Variants in SPON1 observed in about 807,000 individuals in gnomAD.
SPON1 encodes the protein spondin-1.
A neutral mutation model predicts 111.7 loss-of-function variants in SPON1; 52 were observed. The ratio of observed to expected loss-of-function variants is 0.47; its 90% CI spans 0.37 to 0.59. The LOEUF (loss-of-function observed/expected upper bound fraction) is 0.59, where lower values mean the gene tolerates loss of function less well. Among genes scored for constraint, SPON1 ranks in the 20% least tolerant of loss-of-function variants. SPON1 has a pLI of 0.00. For synonymous variants in SPON1, 410 were observed against 395.8 expected, an observed-to-expected ratio of 1.04 and a Z score of -0.43; for missense variants, 957 against 1,068.5, an observed-to-expected ratio of 0.90 and a Z score of 1.46.
At chr11:14,145,358 G>C (rs942075965) in intron 6 of SPON1, among the ~76,000 whole-genome samples, 6 of 152,156 alleles carry the variant, frequency 3.9e-5, no homozygotes, top group South Asian at 2.1e-4. Flanking sequence ...CTCTGTATGA[G>C]AGAAATGTGG....
At chr11:14,169,621 T>C (rs2133880792) in intron 6 of SPON1, among the ~76,000 whole-genome samples, 1 of 151,942 alleles carries the variant, frequency 6.6e-6, no homozygotes, top group East Asian at 1.9e-4. Flanking sequence ...CTAGGGTTTT[T>C]ATGGTTTTAG....
chr11:14,210,265 A>G (rs1554936568), intron 6 of SPON1, among the ~76,000 whole-genome samples: 1 of 150,914 alleles, frequency 6.6e-6, no homozygotes, highest in African/African-American at 2.4e-5. Context: ...CTTTAGTTTA[A>G]TTAGATCTCA....
chr11:13,999,952 T>A (rs1259506973), intron 2 of SPON1, among the ~76,000 whole-genome samples: 1 of 152,176 alleles, frequency 6.6e-6, no homozygotes, highest in Non-Finnish European at 1.5e-5. Flanking sequence ...TTCCCATCCT[T>A]CTACCAGGTG....
At chr11:14,033,371 T>G (rs1554916283) in intron 2 of SPON1, among the ~76,000 whole-genome samples, 1 of 152,220 alleles carries the variant, frequency 6.6e-6, no homozygotes, top group Non-Finnish European at 1.5e-5. Context: ...TTAGAACGCT[T>G]GCAACTTCCT....
At position 14,160,955 on chromosome 11, in the gene SPON1, A is replaced by ATATATATTTATATATATTTT. The variant is rs1564919808; in HGVS notation, c.825+25423_825+25442dup. On this transcript the variant is annotated intron_variant, in intron 6 of 15. Coordinates refer to ENST00000576479, the MANE Select transcript of SPON1 (RefSeq NM_006108.4). ...TATTTATATATATATTTATATATTT[A>ATATATATTTATATATATTTT]TATATATTTATATATATTTTTATAT... Among the ~76,000 whole-genome samples, 152 of 46,798 alleles carry ATATATATTTATATATATTTT rather than the reference A, an allele frequency of 3.2e-3. 9 individuals are homozygous for ATATATATTTATATATATTTT. The highest frequency in any genetic ancestry group is 4.6e-3 in the Non-Finnish European group (127 of 27,756). The allele number at this position is 46,798 out of a possible 152,430, so 30.7% of individuals were successfully genotyped here.
intron 6 of SPON1, among the ~76,000 whole-genome samples, chr11:14,141,486 G>C (rs1448323891): frequency 2.6e-5 from 4 of 152,050 alleles, no homozygotes; most frequent in African/African-American, 9.7e-5. Context: ...TGGATTCAAG[G>C]CTTTCCTGAC....
At chr11:14,058,050 G>T (rs1356768675) in intron 3 of SPON1, among the ~76,000 whole-genome samples, 2 of 151,934 alleles carry the variant, frequency 1.3e-5, no homozygotes, top group South Asian at 4.2e-4. Flanking sequence ...AAATCAGGGG[G>T]TGTTGGGGTG....
In SPON1 at chr11:14,265,777, T is replaced by C; in HGVS notation, c.*90T>C. The C allele has an allele frequency of 4.9e-6, 7 of 1,418,926 alleles. No individual in the cohort carries two copies. The highest frequency in any genetic ancestry group is 1.4e-5 in the South Asian group (1 of 71,992). The allele number at this position is 1,418,926 out of a possible 1,614,324, so 87.9% of individuals were successfully genotyped here. On this transcript the variant is annotated 3_prime_UTR_variant, in exon 16 of 16. Coordinates refer to ENST00000576479, the MANE Select transcript of SPON1 (RefSeq NM_006108.4). ...CTTGTTTAAGACAATTTAAATTGTG[T>C]ACGCTAGTTTTCATTTTTGCAGTGT...
chr11:14,098,290 G>A (rs1182442136), intron 5 of SPON1, among the ~76,000 whole-genome samples: 1 of 152,072 alleles, frequency 6.6e-6, no homozygotes, highest in African/African-American at 2.4e-5. Context: ...GCCGGATGTT[G>A]GATTTTCTAA....
intron 3 of SPON1, among the ~76,000 whole-genome samples, chr11:14,071,341 G>C (rs1554920869): frequency 6.6e-6 from 1 of 152,008 alleles, no homozygotes; most frequent in Non-Finnish European, 1.5e-5. Context: ...TCTTCCTCAG[G>C]GTTCTGGGCT....
chr11:14,222,956 A>G (rs1337762687), intron 6 of SPON1, among the ~76,000 whole-genome samples: 1 of 152,188 alleles, frequency 6.6e-6, no homozygotes, highest in Non-Finnish European at 1.5e-5. Flanking sequence ...ATTCCCAAAG[A>G]TCAAACAAAC....
chr11:14,247,949 A>G (rs1190806931), intron 7 of SPON1, among the ~76,000 whole-genome samples: 2 of 152,230 alleles, frequency 1.3e-5, no homozygotes, highest in Non-Finnish European at 2.9e-5. Flanking sequence ...GGGCATAAGA[A>G]TAGGAATCAA....
At chr11:14,178,421 CAA>C (rs35221896) in intron 6 of SPON1, among the ~76,000 whole-genome samples, 155 of 123,918 alleles carry the variant, frequency 1.3e-3, no homozygotes, top group Middle Eastern at 4.4e-3. Flanking sequence ...GACTCCGTCT[CAA>C]AAAAAAAAAA....
chr11:14,100,813 C>G (rs1432852907), intron 5 of SPON1, among the ~76,000 whole-genome samples: 2 of 152,158 alleles, frequency 1.3e-5, no homozygotes, highest in Non-Finnish European at 1.5e-5. Flanking sequence ...CCCCTAAGGC[C>G]TTATATGCCT....
At chr11:14,242,791 G>A (rs1293268044) in intron 6 of SPON1, among the ~76,000 whole-genome samples, 1 of 152,228 alleles carries the variant, frequency 6.6e-6, no homozygotes, top group Non-Finnish European at 1.5e-5. Flanking sequence ...CAGAGAACCT[G>A]AGGGGCACCA....
At chr11:14,263,440 ACAT>A (rs1369312031) in intron 15 of SPON1, among the ~76,000 whole-genome samples, 3 of 152,180 alleles carry the variant, frequency 2.0e-5, no homozygotes, top group African/African-American at 7.2e-5. Context: ...CTCCCAGAAC[ACAT>A]CATCTTCCAT....
intron 5 of SPON1, among the ~76,000 whole-genome samples, chr11:14,118,635 C>G (rs1457529815): frequency 1.3e-5 from 2 of 152,124 alleles, no homozygotes; most frequent in Non-Finnish European, 2.9e-5. Flanking sequence ...AGTCAATACC[C>G]CTAATGCTAT....
chr11:14,126,871 C>T lies in SPON1; in HGVS notation c.677-8549C>T, dbSNP rs1190092064. Among the ~76,000 whole-genome samples, 11 of 152,158 alleles carry T rather than the reference C, an allele frequency of 7.2e-5. No individual in the cohort carries two copies. The South Asian group carries it at 8.3e-4, about 11-fold the overall frequency. Reference sequence around the variant, plus strand: ...TGTGGGGCCCAGGTGTAAACTTTCTCGTGTCCCAGCTAACTGAGATCTGCT... The same window carrying T: ...TGTGGGGCCCAGGTGTAAACTTTCTTGTGTCCCAGCTAACTGAGATCTGCT... On this transcript the variant is annotated intron_variant, in intron 5 of 15. Transcript: ENST00000576479.
intron 6 of SPON1, among the ~76,000 whole-genome samples, chr11:14,223,432 A>C (rs1198449347): frequency 1.3e-5 from 2 of 152,240 alleles, no homozygotes; most frequent in African/African-American, 4.8e-5. Flanking sequence ...CTTTAACACC[A>C]AAATACGATG....
Sources: allele counts gnomAD v4.1 joint callset (sites outside exome capture counted in the v4.1 genomes callset), GRCh38; gene constraint gnomAD v4.1.1; transcripts MANE v1.5; gene names NCBI Gene and HGNC (gene_info 2026-07-23, HGNC 2026-07-21).